LRP12: variants seen among roughly 807,000 people sequenced by gnomAD.
The protein encoded by LRP12 is low-density lipoprotein receptor-related protein 12.
LRP12 carries 14 observed loss-of-function variants against 66.0 expected under a neutral mutation model. The observed-to-expected ratio is 0.21, with a 90% CI of 0.14 to 0.33. The LOEUF (loss-of-function observed/expected upper bound fraction) is 0.33. Ranked by LOEUF, LRP12 falls within the 10% of genes least tolerant of loss-of-function variation. The pLI, the probability that LRP12 is intolerant of heterozygous loss-of-function variation, is 1.00. For missense variants in LRP12, 889 were observed against 1,053.4 expected (o/e 0.84, Z 2.16); for synonymous variants, 357 against 359.1 (o/e 0.99, Z 0.07).
In LRP12 at chr8:104,509,087, C is replaced by G. The variant is rs1414632187; in HGVS notation, c.137-13G>C. ...GTCTCTCCACAAGCTGGAAGATAGC[C>G]AAAGCAATCTTTCCTTATTATTACA... On this transcript the variant is annotated splice_polypyrimidine_tract_variant and intron_variant, in intron 2 of 6. Coordinates refer to ENST00000276654, the MANE Select transcript of LRP12 (RefSeq NM_013437.5). The G allele has an allele frequency of 6.2e-7, 1 of 1,609,340 alleles. No homozygotes were observed. Among genetic ancestry groups the G allele is most frequent in the Non-Finnish European group, 8.5e-7 (1 of 1,177,638 alleles).
intron 1 of LRP12, among the ~76,000 whole-genome samples, chr8:104,587,065 C>A (rs1278057059): frequency 6.6e-6 from 1 of 152,150 alleles, no homozygotes; most frequent in East Asian, 1.9e-4. Flanking sequence ...TGCACCAAAA[C>A]AAATTGAGGG....
At chr8:104,547,712 C>A (rs1257331099) in intron 1 of LRP12, among the ~76,000 whole-genome samples, 3 of 120,218 alleles carry the variant, frequency 2.5e-5, no homozygotes, top group African/African-American at 6.5e-5. Flanking sequence ...ATATATAATT[C>A]TATATTATGT....
rs2140822408 is a variant in LRP12 at position 104,489,296 on chromosome 8, A to G, written c.*1377T>C. The stretch of plus-strand genomic sequence containing the variant: ...TTTAATTTTTGATACATATTAAAAC[A>G]TCTTAGTCAGTTCCTCCTGACAGCA... On this transcript the variant is annotated 3_prime_UTR_variant, in exon 7 of 7. Coordinates refer to ENST00000276654, the MANE Select transcript of LRP12 (RefSeq NM_013437.5). The G allele has an allele frequency of 6.5e-6, 1 of 152,718 alleles. No homozygotes were observed. The highest frequency in any genetic ancestry group is 1.9e-4 in the East Asian group (1 of 5,190). The allele number at this position is 152,718 out of a possible 1,614,324, so 9.5% of individuals were successfully genotyped here. A position where few individuals can be genotyped will look rare whatever the true frequency, so the allele number is the denominator to read the frequency against.
chr8:104,536,148 G>T (rs537323637), intron 1 of LRP12, among the ~76,000 whole-genome samples: 23 of 152,090 alleles, frequency 1.5e-4, no homozygotes, highest in Admixed American at 7.9e-4. Flanking sequence ...TCCACAGTCC[G>T]ATTCTTCCTA....
chr8:104,533,435 G>T (rs1811354912), intron 1 of LRP12, among the ~76,000 whole-genome samples: 1 of 152,044 alleles, frequency 6.6e-6, no homozygotes, highest in Admixed American at 6.6e-5. Flanking sequence ...AGCAGTACTG[G>T]CCACCTTGGG....
At chr8:104,566,902 A>G (rs977628294) in intron 1 of LRP12, among the ~76,000 whole-genome samples, 4 of 152,138 alleles carry the variant, frequency 2.6e-5, no homozygotes, top group Non-Finnish European at 5.9e-5. Context: ...TAAAATGTGA[A>G]ATTATGGGTA....
chr8:104,562,955 T>C (rs189876494), intron 1 of LRP12, among the ~76,000 whole-genome samples: 1 of 152,144 alleles, frequency 6.6e-6, no homozygotes, highest in Non-Finnish European at 1.5e-5. Flanking sequence ...GTTCTAGTAA[T>C]AAATTTTAAA....
At chr8:104,568,701 G>A (rs1405263895) in intron 1 of LRP12, among the ~76,000 whole-genome samples, 2 of 152,202 alleles carry the variant, frequency 1.3e-5, no homozygotes, top group African/African-American at 4.8e-5. Flanking sequence ...ACCCATTAGG[G>A]AGATGAAAAT....
intron 4 of LRP12, 124 bp from the exon 5 acceptor site, chr8:104,498,200 T>TAA (rs991225133): frequency 1.0e-6 from 1 of 972,154 alleles, no homozygotes; most frequent in African/African-American, 1.7e-5. Flanking sequence ...CTAGAAGTTT[T>TAA]AAAAAACAGG....
At chr8:104,555,534 T>TA (rs1257989697) in intron 1 of LRP12, among the ~76,000 whole-genome samples, 2 of 151,290 alleles carry the variant, frequency 1.3e-5, no homozygotes, top group Non-Finnish European at 3.0e-5. Flanking sequence ...GCAACAACAG[T>TA]AAAAAAGAAA....
In LRP12 at chr8:104,588,982, C is replaced by T; in HGVS notation, c.-85G>A. 2.6e-6 allele frequency: 2 copies of T among 765,630 alleles called. No homozygotes were observed. Among genetic ancestry groups the T allele is most frequent in the Non-Finnish European group, 2.0e-6 (1 of 503,374 alleles). The allele number at this position is 765,630 out of a possible 1,614,324, so 47.4% of individuals were successfully genotyped here. A position where few individuals can be genotyped will look rare whatever the true frequency, so the allele number is the denominator to read the frequency against. On this transcript the variant is annotated 5_prime_UTR_variant, in exon 1 of 7. Transcript: ENST00000276654. Reference sequence around the variant, plus strand: ...GTAGACGACGCCGACGCCGCCGCCGCCGCCGCCGCCGCCGCCGAGCCACCG... The same window carrying T: ...GTAGACGACGCCGACGCCGCCGCCGTCGCCGCCGCCGCCGCCGAGCCACCG...
intron 1 of LRP12, among the ~76,000 whole-genome samples, chr8:104,585,221 CATTT>C (rs146999936): frequency 0.013 from 1,982 of 152,120 alleles, 26 homozygotes; most frequent in African/African-American, 0.033. Flanking sequence ...TTCTAAATTA[CATTT>C]ATTTATTTAT....
intron 2 of LRP12, among the ~76,000 whole-genome samples, chr8:104,518,893 T>G (rs1286966021): frequency 6.6e-6 from 1 of 151,968 alleles, no homozygotes; most frequent in African/African-American, 2.4e-5. Flanking sequence ...GACAGATACT[T>G]AAAGACACTT....
At chr8:104,529,631 T>C (rs1181277512) in intron 2 of LRP12, among the ~76,000 whole-genome samples, 1 of 152,190 alleles carries the variant, frequency 6.6e-6, no homozygotes, top group Non-Finnish European at 1.5e-5. Flanking sequence ...TTTCATAAGT[T>C]CTCATACTCT....
At chr8:104,548,229 T>C (rs1475715593) in intron 1 of LRP12, among the ~76,000 whole-genome samples, 1 of 102,276 alleles carries the variant, frequency 9.8e-6, no homozygotes, top group Non-Finnish European at 1.7e-5. Flanking sequence ...ATATGATATA[T>C]TTATATTAAT....
At chr8:104,557,064 C>G in intron 1 of LRP12, among the ~76,000 whole-genome samples, 1 of 152,138 alleles carries the variant, frequency 6.6e-6, no homozygotes, top group Non-Finnish European at 1.5e-5. Flanking sequence ...TACAGCATCC[C>G]TTTATAATTA....
chr8:104,512,003 T>C (rs1371053925), intron 2 of LRP12, among the ~76,000 whole-genome samples: 1 of 152,166 alleles, frequency 6.6e-6, no homozygotes, highest in Non-Finnish European at 1.5e-5. Flanking sequence ...TGTATCCAAA[T>C]GTAATTCTTT....
intron 1 of LRP12, among the ~76,000 whole-genome samples, chr8:104,532,881 C>T (rs900933454): frequency 6.6e-6 from 1 of 152,106 alleles, no homozygotes; most frequent in African/African-American, 2.4e-5. Flanking sequence ...ACAGAGGAGG[C>T]GCACAAATAG....
At chr8:104,573,910 T>G (rs1286529190) in intron 1 of LRP12, among the ~76,000 whole-genome samples, 2 of 152,066 alleles carry the variant, frequency 1.3e-5, no homozygotes, top group Non-Finnish European at 2.9e-5. Context: ...ATGCAAAGTA[T>G]AAAAATTATC....
Sources: gnomAD v4.1 joint callset for allele counts (sites outside exome capture counted in the v4.1 genomes callset) on GRCh38, gnomAD v4.1.1 for gene constraint, MANE v1.5 for transcripts, NCBI Gene and HGNC (gene_info 2026-07-23, HGNC 2026-07-21) for gene names.